Variants in ASTN2 observed in about 807,000 individuals in gnomAD.
ASTN2 encodes the protein astrotactin-2.
ASTN2 carries 54 observed loss-of-function variants against 139.8 expected under a neutral mutation model. The ratio of observed to expected loss-of-function variants is 0.39; its 90% CI spans 0.31 to 0.48. The LOEUF (loss-of-function observed/expected upper bound fraction) is 0.48, where lower values mean the gene tolerates loss of function less well. Among genes scored for constraint, ASTN2 ranks in the 20% least tolerant of loss-of-function variants. ASTN2 has a pLI of 0.95. For missense variants in ASTN2, 1,565 were observed against 1,725.1 expected (o/e 0.91, Z 1.64); for synonymous variants, 756 against 719.5 (o/e 1.05, Z -0.81).
chr9:117,087,033 T>C (rs1828581860), intron 5 of ASTN2, among the ~76,000 whole-genome samples: 1 of 152,174 alleles, frequency 6.6e-6, no homozygotes, highest in Admixed American at 6.5e-5. Context: ...GGGCGTTCTC[T>C]GCAGGTTGGC....
chr9:116,756,770 A>AACACACACACACACACACACACAC, intron 13 of ASTN2, among the ~76,000 whole-genome samples: 1 of 148,116 alleles, frequency 6.8e-6, no homozygotes, highest in East Asian at 2.0e-4. Flanking sequence ...CTCCGAATAA[A>AACACACACACACACACACACACAC]ACACACACAC....
At position 117,158,992 on chromosome 9, in the gene ASTN2, C is replaced by T. The variant is rs192665398; in HGVS notation, c.1016-17514G>A. Among the ~76,000 whole-genome samples, 10 of 152,102 alleles carry T rather than the reference C, an allele frequency of 6.6e-5. No individual in the cohort carries two copies. In the East Asian group the frequency reaches 1.6e-3, roughly 24 times the overall value. On this transcript the variant is annotated intron_variant, in intron 3 of 22. Transcript: ENST00000313400. ...TACCTGGCCCTCCCTACCTCATCCT[C>T]TCTCCAGTCACAGTCCTCATTCACT...
chr9:117,184,143 A>G (rs1186340363), intron 3 of ASTN2, among the ~76,000 whole-genome samples: 3 of 152,210 alleles, frequency 2.0e-5, no homozygotes, highest in Non-Finnish European at 2.9e-5. Context: ...CCCAGGGTTG[A>G]GAAGGACAAC....
chr9:116,602,153 C>G (rs1156383918), intron 19 of ASTN2, among the ~76,000 whole-genome samples: 1 of 152,084 alleles, frequency 6.6e-6, no homozygotes, highest in Non-Finnish European at 1.5e-5. Flanking sequence ...ACATAGAGTT[C>G]ACAAATGTTC....
intron 22 of ASTN2, among the ~76,000 whole-genome samples, chr9:116,427,492 T>A (rs2118803543): frequency 6.6e-6 from 1 of 152,340 alleles, no homozygotes; most frequent in East Asian, 1.9e-4. Flanking sequence ...GGAAACCACT[T>A]TTCTCTGCAT....
At chr9:116,733,596 G>T (rs1828845286) in intron 13 of ASTN2, 73 bp from the exon 14 acceptor site, 1 of 1,586,648 alleles carries the variant, frequency 6.3e-7, no homozygotes, top group Admixed American at 1.7e-5. Flanking sequence ...CAAGGAGGCA[G>T]GATGCTGTAG....
chr9:116,646,415 G>A (rs1186491122), intron 17 of ASTN2, among the ~76,000 whole-genome samples: 1 of 152,146 alleles, frequency 6.6e-6, no homozygotes, highest in Non-Finnish European at 1.5e-5. Context: ...CTGTAGAGAT[G>A]ATAGAAAGAT....
chr9:116,758,995 G>A (rs1829604245), intron 13 of ASTN2, among the ~76,000 whole-genome samples: 1 of 152,140 alleles, frequency 6.6e-6, no homozygotes, highest in African/African-American at 2.4e-5. Flanking sequence ...CTGGGCCCAA[G>A]CATTCCTCCT....
At chr9:117,005,554 A>G (rs1216230104) in intron 7 of ASTN2, among the ~76,000 whole-genome samples, 1 of 152,180 alleles carries the variant, frequency 6.6e-6, no homozygotes, top group Non-Finnish European at 1.5e-5. Context: ...GGCTGCCTGG[A>G]CAACAGAAGC....
chr9:117,031,186 T>A (rs10983466), intron 6 of ASTN2, among the ~76,000 whole-genome samples: 1 of 151,990 alleles, frequency 6.6e-6, no homozygotes, highest in African/African-American at 2.4e-5. Context: ...GCAACATCCT[T>A]GGGGAGTGAA....
intron 12 of ASTN2, among the ~76,000 whole-genome samples, chr9:116,816,437 G>T (rs536265700): frequency 1.3e-5 from 2 of 152,160 alleles, no homozygotes; most frequent in Non-Finnish European, 2.9e-5. Context: ...ACCCAGTGAG[G>T]CTTAGGCACC....
intron 3 of ASTN2, among the ~76,000 whole-genome samples, chr9:117,202,738 C>A (rs1482121801): frequency 6.6e-6 from 1 of 152,180 alleles, no homozygotes; most frequent in African/African-American, 2.4e-5. Context: ...TGTAGGTGAC[C>A]TGGCCTTTCT....
intron 1 of ASTN2, among the ~76,000 whole-genome samples, chr9:117,405,020 G>A (rs1830942097): frequency 6.6e-6 from 1 of 152,176 alleles, no homozygotes; most frequent in Non-Finnish European, 1.5e-5. Flanking sequence ...AGGCCTAGAT[G>A]CTGTCTTGGC....
intron 13 of ASTN2, among the ~76,000 whole-genome samples, chr9:116,751,164 A>T (rs1829388278): frequency 6.9e-6 from 1 of 144,812 alleles, no homozygotes; most frequent in African/African-American, 2.9e-5. Context: ...CACTCATAAA[A>T]TGAGGACCGT....
At chr9:117,009,616 A>C (rs1275815160) in intron 6 of ASTN2, among the ~76,000 whole-genome samples, 1 of 152,222 alleles carries the variant, frequency 6.6e-6, no homozygotes, top group Non-Finnish European at 1.5e-5. Context: ...CTGCAGCAGC[A>C]GGAGACTTTA....
At chr9:116,796,777 T>C (rs1830702415) in intron 13 of ASTN2, among the ~76,000 whole-genome samples, 1 of 152,118 alleles carries the variant, frequency 6.6e-6, no homozygotes, top group African/African-American at 2.4e-5. Flanking sequence ...AACAATACTG[T>C]ATTGTAGACT....
At position 116,512,258 on chromosome 9, in the gene ASTN2, T is replaced by A. The variant is rs1322528028; in HGVS notation, c.3356-24758A>T. 2.6e-5 allele frequency among the ~76,000 whole-genome samples: 4 copies of A among 152,258 alleles called. 1 individual carries two copies. Among genetic ancestry groups the A allele is most frequent in the African/African-American group, 4.8e-5 (2 of 41,476 alleles). On this transcript the variant is annotated intron_variant, in intron 19 of 22. Coordinates refer to ENST00000313400, the MANE Select transcript of ASTN2 (RefSeq NM_001365068.1). ...TTATTTCTGCCTTCATTTCGTTATG[T>A]ACCCAGTAGTCAGTCAGGAGCACGT...
chr9:117,042,511 A>G (rs937593830), intron 5 of ASTN2, among the ~76,000 whole-genome samples: 1 of 152,182 alleles, frequency 6.6e-6, no homozygotes, highest in Non-Finnish European at 1.5e-5. Context: ...TAAATTACAT[A>G]AAAAGGTGAT....
rs773258554 is a variant in ASTN2 at position 117,056,387 on chromosome 9, T to C, written c.1277-16422A>G. Among the ~76,000 whole-genome samples the C allele has an allele frequency of 3.3e-5, 5 of 152,290 alleles. No individual in the cohort carries two copies. The South Asian group carries it at 1.0e-3, about 32-fold the overall frequency. ...AGTTTAGAAGAGACTTCCATTCATC[T>C]AGAAAACATTTCCCACACACATGGT... is the stretch of plus-strand genomic sequence containing the variant. On this transcript the variant is annotated intron_variant, in intron 5 of 22. Transcript: ENST00000313400.
Sources: gnomAD v4.1 joint callset for allele counts (sites outside exome capture counted in the v4.1 genomes callset) on GRCh38, gnomAD v4.1.1 for gene constraint, MANE v1.5 for transcripts, NCBI Gene and HGNC (gene_info 2026-07-23, HGNC 2026-07-21) for gene names.